The following SLC44A1 variants were observed in gnomAD, a reference collection of about 807,000 sequenced individuals.
SLC44A1 encodes solute carrier family 44 member 1.
SLC44A1 carries 26 observed loss-of-function variants against 79.3 expected under a neutral mutation model. That is an observed-to-expected ratio of 0.33 (90% CI 0.24 to 0.46). The LOEUF (loss-of-function observed/expected upper bound fraction) is 0.46. SLC44A1 is among the 20% of genes least tolerant of loss of function. SLC44A1 has a pLI of 1.00. For missense variants in SLC44A1, 688 were observed against 798.1 expected, an observed-to-expected ratio of 0.86 and a Z score of 1.66; for synonymous variants, 263 against 286.2, an observed-to-expected ratio of 0.92 and a Z score of 0.82.
chr9:105,374,040 A>G (rs532453685), intron 12 of SLC44A1, among the ~76,000 whole-genome samples: 232 of 152,310 alleles, frequency 1.5e-3, no homozygotes, highest in Non-Finnish European at 2.8e-3. Flanking sequence ...TTTCTCAAAA[A>G]AGATTTAGGG....
chr9:105,296,462 A>G (rs562155702), intron 1 of SLC44A1, among the ~76,000 whole-genome samples: 2 of 152,336 alleles, frequency 1.3e-5, no homozygotes, highest in East Asian at 3.9e-4. Flanking sequence ...TTAGGCATTA[A>G]TGAACTGAAT....
intron 13 of SLC44A1, among the ~76,000 whole-genome samples, chr9:105,379,560 T>A (rs1301713590): frequency 1.3e-5 from 2 of 152,198 alleles, no homozygotes; most frequent in Non-Finnish European, 2.9e-5. Flanking sequence ...CTCTAAATTT[T>A]AAATTCAATT....
chr9:105,419,592 C>T (rs1829216905), intron 15 of SLC44A1, among the ~76,000 whole-genome samples: 1 of 152,170 alleles, frequency 6.6e-6, no homozygotes, highest in Non-Finnish European at 1.5e-5. Context: ...TTTCTACCTT[C>T]TACCTAGTTC....
chr9:105,250,567 A>G (rs1157617026), intron 1 of SLC44A1, among the ~76,000 whole-genome samples: 1 of 152,216 alleles, frequency 6.6e-6, no homozygotes, highest in Non-Finnish European at 1.5e-5. Flanking sequence ...GATATATGAG[A>G]TAAACCTACT....
chr9:105,312,734 G>A (rs1380165938), intron 3 of SLC44A1, among the ~76,000 whole-genome samples: 3 of 152,108 alleles, frequency 2.0e-5, no homozygotes, highest in African/African-American at 4.8e-5. Flanking sequence ...GTGTTTTATA[G>A]TTTTAATTTG....
intron 2 of SLC44A1, among the ~76,000 whole-genome samples, chr9:105,308,189 C>G (rs753112092): frequency 6.6e-6 from 1 of 152,206 alleles, no homozygotes; most frequent in Non-Finnish European, 1.5e-5. Context: ...TTGATCAACA[C>G]AGGCTTTTCT....
chr9:105,340,152 TAC>T, intron 4 of SLC44A1, among the ~76,000 whole-genome samples: 1 of 152,234 alleles, frequency 6.6e-6, no homozygotes, highest in Non-Finnish European at 1.5e-5. Context: ...TGCTGTACTG[TAC>T]ACTTAAAAAT....
At chr9:105,382,116 C>T (rs1010431047) in intron 13 of SLC44A1, among the ~76,000 whole-genome samples, 1 of 152,086 alleles carries the variant, frequency 6.6e-6, no homozygotes, top group South Asian at 2.1e-4. Flanking sequence ...CATCATAAGA[C>T]CATTATTTGA....
intron 1 of SLC44A1, among the ~76,000 whole-genome samples, chr9:105,249,283 T>C (rs916958215): frequency 2.6e-5 from 4 of 152,210 alleles, no homozygotes; most frequent in Non-Finnish European, 5.9e-5. Flanking sequence ...TTGTGGAGTT[T>C]GAAGTGAGAT....
At chr9:105,318,747 C>T (rs553589998) in intron 3 of SLC44A1, among the ~76,000 whole-genome samples, 5 of 142,078 alleles carry the variant, frequency 3.5e-5, no homozygotes, top group East Asian at 1.9e-4. Flanking sequence ...TTAGAAAATG[C>T]GGGAGTTCAA....
At chr9:105,298,098 A>G (rs1454250432) in intron 1 of SLC44A1, among the ~76,000 whole-genome samples, 1 of 150,468 alleles carries the variant, frequency 6.6e-6, no homozygotes, top group African/African-American at 2.5e-5. Flanking sequence ...AGATCCTAAG[A>G]CTATTGAAAT....
chr9:105,373,654 A>G (rs544017960), intron 12 of SLC44A1, among the ~76,000 whole-genome samples: 11 of 152,306 alleles, frequency 7.2e-5, no homozygotes, highest in East Asian at 5.8e-4. Flanking sequence ...CAAGTTCCCA[A>G]TGTCCCAACT....
At chr9:105,357,641 C>A (rs1827660189) in intron 6 of SLC44A1, among the ~76,000 whole-genome samples, 1 of 152,082 alleles carries the variant, frequency 6.6e-6, no homozygotes, top group Admixed American at 6.6e-5. Flanking sequence ...AGGATTATAG[C>A]ACATCGGATT....
At chr9:105,402,390 T>C (rs886939362) in intron 15 of SLC44A1, among the ~76,000 whole-genome samples, 3 of 152,172 alleles carry the variant, frequency 2.0e-5, no homozygotes, top group Non-Finnish European at 4.4e-5. Context: ...CATGAAGGCC[T>C]ATACTCAGGA....
Position 105,392,353 on chromosome 9 carries a change from G to A in SLC44A1, c.*3297G>A, listed in dbSNP as rs1434193161. On this transcript the variant is annotated 3_prime_UTR_variant, in exon 16 of 16. Transcript: ENST00000374720. ...AGGCACTTACTGAGTTTATTTTAAAGTTATGCTAGAAATGTTTTTCTTTTG... is the reference window on the plus strand; with the variant it reads ...AGGCACTTACTGAGTTTATTTTAAAATTATGCTAGAAATGTTTTTCTTTTG... The A allele has an allele frequency of 1.3e-5, 13 of 966,460 alleles. No individual in the cohort carries two copies. Among genetic ancestry groups the A allele is most frequent in the Non-Finnish European group, 1.6e-5 (13 of 821,530 alleles). The allele number at this position is 966,460 out of a possible 1,614,324, so 59.9% of individuals were successfully genotyped here.
chr9:105,285,292 T>C (rs74773787), intron 1 of SLC44A1, among the ~76,000 whole-genome samples: 2,344 of 152,346 alleles, frequency 0.015, 66 homozygotes, highest in African/African-American at 0.053. Flanking sequence ...AACAGTTTGT[T>C]TCTGCCTGTT....
chr9:105,335,743 C>G (rs1826896697), intron 4 of SLC44A1, 44 bp downstream of exon 4: 2 of 1,562,962 alleles, frequency 1.3e-6, no homozygotes, highest in South Asian at 1.2e-5. Context: ...TCACCTTGTT[C>G]TCTTTGTTAA....
intron 1 of SLC44A1, among the ~76,000 whole-genome samples, chr9:105,273,239 G>A (rs1240073590): frequency 1.3e-5 from 2 of 152,128 alleles, no homozygotes; most frequent in African/African-American, 2.4e-5. Flanking sequence ...TGATCCACCT[G>A]CTTCGGCCTC....
intron 4 of SLC44A1, among the ~76,000 whole-genome samples, chr9:105,346,179 A>G (rs770210083): frequency 3.9e-5 from 6 of 152,266 alleles, no homozygotes; most frequent in South Asian, 4.1e-4. Context: ...TATGATTATT[A>G]CTACTAACAC....
Sources: allele counts gnomAD v4.1 joint callset (sites outside exome capture counted in the v4.1 genomes callset), GRCh38; gene constraint gnomAD v4.1.1; transcripts MANE v1.5; gene names NCBI Gene and HGNC (gene_info 2026-07-23, HGNC 2026-07-21).